SUPV3L1: variants seen among roughly 807,000 people sequenced by gnomAD.
The protein encoded by SUPV3L1 is ATP-dependent RNA helicase SUPV3L1, mitochondrial.
A neutral mutation model predicts 70.0 loss-of-function variants in SUPV3L1; 35 were observed. The observed-to-expected ratio is 0.50, with a 90% CI of 0.38 to 0.66. The LOEUF (loss-of-function observed/expected upper bound fraction) is 0.66, where lower values mean the gene tolerates loss of function less well. Among genes scored for constraint, SUPV3L1 ranks in the 30% least tolerant of loss-of-function variants. The probability of loss-of-function intolerance (pLI) is 0.00; values close to 1 mark genes in which losing one functional copy is unlikely to be tolerated. For missense variants in SUPV3L1, 777 were observed against 961.5 expected, an observed-to-expected ratio of 0.81 and a Z score of 2.54; for synonymous variants, 364 against 341.9, an observed-to-expected ratio of 1.06 and a Z score of -0.71.
At chr10:69,187,092 T>C (rs2132271292) in intron 3 of SUPV3L1, among the ~76,000 whole-genome samples, 1 of 152,284 alleles carries the variant, frequency 6.6e-6, no homozygotes, top group Non-Finnish European at 1.5e-5. Flanking sequence ...TGCCTGTCTG[T>C]GGTTTTCGAA....
At chr10:69,189,101 C>A (rs1842316193) in intron 4 of SUPV3L1, among the ~76,000 whole-genome samples, 166 bp from the exon 5 acceptor site, 1 of 152,122 alleles carries the variant, frequency 6.6e-6, no homozygotes, top group Non-Finnish European at 1.5e-5. Context: ...TCTTGGAAAC[C>A]AGTCATTATT....
In SUPV3L1 at chr10:69,209,048, GTTT is replaced by G. The variant is rs35757450; in HGVS notation, c.*24_*26del. 4.4e-6 allele frequency: 6 copies of G among 1,364,958 alleles called. No individual in the cohort carries two copies. The highest frequency in any genetic ancestry group is 1.6e-5 in the South Asian group (1 of 61,856). 84.6% of individuals were successfully genotyped at this position (1,364,958 alleles called of 1,614,324 possible). A position where few individuals can be genotyped will look rare whatever the true frequency, so the allele number is the denominator to read the frequency against. On this transcript the variant is annotated 3_prime_UTR_variant, in exon 15 of 15. Transcript: ENST00000359655. ...TGATTCGGACTAGTTTTCTGTTCCT[GTTT>G]TTTTTTTTTTATTTAATTTTGCAAA...
intron 11 of SUPV3L1, among the ~76,000 whole-genome samples, chr10:69,201,374 CACTT>C (rs1328174269): frequency 3.3e-5 from 5 of 152,172 alleles, no homozygotes; most frequent in African/African-American, 1.2e-4. Flanking sequence ...AAAGAGAACT[CACTT>C]CCAGTTTAAA....
intron 6 of SUPV3L1, among the ~76,000 whole-genome samples, chr10:69,194,346 GA>G (rs994131383): frequency 1.3e-4 from 19 of 148,478 alleles, no homozygotes; most frequent in African/African-American, 2.5e-4. Context: ...CATCTCTAAA[GA>G]AAAAAAAACC....
intron 5 of SUPV3L1, among the ~76,000 whole-genome samples, chr10:69,189,882 G>A (rs573360332): frequency 6.6e-6 from 1 of 152,122 alleles, no homozygotes; most frequent in East Asian, 1.9e-4. Context: ...TCCTGACCTC[G>A]TGATCTGCCC....
At chr10:69,203,070 G>A in intron 13 of SUPV3L1, 27 bp downstream of exon 13, 1 of 1,578,520 alleles carries the variant, frequency 6.3e-7, no homozygotes, top group Non-Finnish European at 8.6e-7. Flanking sequence ...AAGCTATTTT[G>A]AGTTCCTTCT....
chr10:69,195,073 AC>A, intron 6 of SUPV3L1, 114 bp from the exon 7 acceptor site: 1 of 697,612 alleles, frequency 1.4e-6, no homozygotes, highest in Non-Finnish European at 2.3e-6. Flanking sequence ...GAAAAGAGGA[AC>A]CCAGTAAGTG....
At chr10:69,185,675 T>C (rs1342267378) in intron 1 of SUPV3L1, among the ~76,000 whole-genome samples, 5 of 152,044 alleles carry the variant, frequency 3.3e-5, no homozygotes, top group Admixed American at 3.3e-4. Context: ...CTAATTTTTG[T>C]ATTTTTAGTA....
At chr10:69,188,729 C>T (rs1842305655) in intron 4 of SUPV3L1, among the ~76,000 whole-genome samples, 1 of 152,196 alleles carries the variant, frequency 6.6e-6, no homozygotes, top group South Asian at 2.1e-4. Context: ...GAGCTCCTGA[C>T]CTCAAGTGAT....
chr10:69,192,625 T>G (rs552197983), intron 6 of SUPV3L1: 5 of 152,342 alleles, frequency 3.3e-5, no homozygotes, highest in Middle Eastern at 3.4e-3. Context: ...AATTATTTGT[T>G]CCCCATTTGT....
Position 69,203,429 on chromosome 10 carries a change from C to T in SUPV3L1, c.1776+386C>T, listed in dbSNP as rs370073322. On this transcript the variant is annotated intron_variant, in intron 13 of 14. Transcript: ENST00000359655. ...CTGTAATCCCAGCACTTTGGGAGGC[C>T]GAGGCGGGTGGATCACTTGAGGTCA... Among the ~76,000 whole-genome samples the T allele has an allele frequency of 1.1e-4, 17 of 152,036 alleles. No homozygotes were observed. In the South Asian group the frequency reaches 2.9e-3, roughly 26 times the overall value.
rs936070892 is a variant in SUPV3L1, at chr10:69,195,650, ATC to A, written c.931+389_931+390del. The stretch of plus-strand genomic sequence containing the variant: ...TCATTATGTATTAATATGATCGCAT[ATC>A]TCTATTGAAGGGCAATACTGTAATT... On this transcript the variant is annotated intron_variant, in intron 7 of 14. Transcript: ENST00000359655. Among the ~76,000 whole-genome samples, 8 of 152,224 alleles carry A rather than the reference ATC, an allele frequency of 5.3e-5. No individual in the cohort carries two copies. The South Asian group carries it at 1.2e-3, about 24-fold the overall frequency.
chr10:69,198,934 A>G lies in SUPV3L1; in HGVS notation c.1205-170A>G, dbSNP rs1249659660. On this transcript the variant is annotated intron_variant, in intron 9 of 14. Coordinates refer to ENST00000359655, the MANE Select transcript of SUPV3L1 (RefSeq NM_003171.5). ...TATGACGGAGTATTTGAAGGAATGG[A>G]TGTAAAGGATAAGTGGCTCTTTGAG... Among the ~76,000 whole-genome samples the G allele has an allele frequency of 2.6e-5, 4 of 152,160 alleles. No homozygotes were observed. In the East Asian group the frequency reaches 5.8e-4, roughly 22 times the overall value.
chr10:69,182,531 C>T, intron 1 of SUPV3L1: 1 of 985,268 alleles, frequency 1.0e-6, no homozygotes. Context: ...TATTCCAATT[C>T]ACCTGAAAAT....
At chr10:69,182,566 A>G in intron 1 of SUPV3L1, 1 of 985,340 alleles carries the variant, frequency 1.0e-6, no homozygotes, top group Non-Finnish European at 1.2e-6. Flanking sequence ...TGCTTCCTGT[A>G]AGAAGATAGA....
chr10:69,184,965 T>A (rs890502536), intron 1 of SUPV3L1, among the ~76,000 whole-genome samples: 104 of 152,352 alleles, frequency 6.8e-4, no homozygotes, highest in African/African-American at 2.4e-3. Flanking sequence ...TTTTAACATA[T>A]ACAACCATAA....
rs374380617 is a variant in SUPV3L1 at position 69,198,681 on chromosome 10, G to A, written c.1204+129G>A. On this transcript the variant is annotated intron_variant, in intron 9 of 14. Coordinates refer to ENST00000359655, the MANE Select transcript of SUPV3L1 (RefSeq NM_003171.5). ...TTGATGTATTGGTAATTTGTTAAAC[G>A]TCATATAAAATAAATAATTTTCTAT... 24 of 812,504 alleles carry A rather than the reference G, an allele frequency of 3.0e-5. No individual in the cohort carries two copies. The East Asian group carries it at 4.1e-4, about 14-fold the overall frequency. 50.3% of individuals were successfully genotyped at this position (812,504 alleles called of 1,614,324 possible). A position where few individuals can be genotyped will look rare whatever the true frequency, so the allele number is the denominator to read the frequency against.
intron 13 of SUPV3L1, among the ~76,000 whole-genome samples, chr10:69,206,296 A>T (rs188292346): frequency 1.9e-4 from 29 of 152,350 alleles, no homozygotes; most frequent in African/African-American, 6.0e-4. Context: ...GCATTATTTA[A>T]CTACAATTGA....
At chr10:69,188,400 C>G (rs1842294657) in intron 4 of SUPV3L1, among the ~76,000 whole-genome samples, 1 of 152,158 alleles carries the variant, frequency 6.6e-6, no homozygotes, top group Non-Finnish European at 1.5e-5. Context: ...ACGGCTCATC[C>G]CAAGTGTTCT....
Sources: gnomAD v4.1 joint callset for allele counts (sites outside exome capture counted in the v4.1 genomes callset) on GRCh38, gnomAD v4.1.1 for gene constraint, MANE v1.5 for transcripts, NCBI Gene and HGNC (gene_info 2026-07-23, HGNC 2026-07-21) for gene names.